IFFO1: variants seen among roughly 807,000 people sequenced by gnomAD.
IFFO1 encodes the protein non-homologous end joining factor IFFO1.
Under a neutral mutation model 59.6 loss-of-function variants are expected in IFFO1, and 42 were observed. That is an observed-to-expected ratio of 0.70 (90% CI 0.55 to 0.91). The LOEUF is 0.91. Ranked by LOEUF, IFFO1 falls within the 40% of genes least tolerant of loss-of-function variation. IFFO1 has a pLI of 0.00. For missense variants in IFFO1, 711 were observed against 793.2 expected (o/e 0.90, Z 1.24); for synonymous variants, 336 against 342.8 (o/e 0.98, Z 0.22).
rs967313993 is a variant in IFFO1 at position 6,549,659 on chromosome 12, C to T, written c.1071+97G>A. The T allele has an allele frequency of 6.6e-5, 100 of 1,519,146 alleles. No homozygotes were observed. Among genetic ancestry groups the T allele is most frequent in the Middle Eastern group, 5.4e-4 (3 of 5,536 alleles). 94.1% of individuals were successfully genotyped at this position (1,519,146 alleles called of 1,614,324 possible). A position where few individuals can be genotyped will look rare whatever the true frequency, so the allele number is the denominator to read the frequency against. ...GGCCCCAGTTGCCAGGTAAGGCTCC[C>T]CAAGCAGGAGGCAGGGCCTGCGTTC... On this transcript the variant is annotated intron_variant, in intron 4 of 9. Transcript: ENST00000619571. This position sits in a 1 kb window ranked among gnomAD's most constrained non-coding sequence, Gnocchi z 5.0.
At chr12:6,554,533 C>T (rs969766282) in intron 1 of IFFO1, among the ~76,000 whole-genome samples, 2 of 152,242 alleles carry the variant, frequency 1.3e-5, no homozygotes, top group African/African-American at 4.8e-5. Flanking sequence ...GCCCCGCGGC[C>T]TCGCGGTCCT....
At chr12:6,547,711 G>A (rs936364852) in intron 8 of IFFO1, among the ~76,000 whole-genome samples, 2 of 150,854 alleles carry the variant, frequency 1.3e-5, no homozygotes, top group African/African-American at 4.9e-5. Flanking sequence ...ACAAGGGAGA[G>A]AGGGAGGGAG....
At chr12:6,552,482 G>A (rs141380317) in intron 1 of IFFO1, among the ~76,000 whole-genome samples, 9 of 152,268 alleles carry the variant, frequency 5.9e-5, no homozygotes, top group Non-Finnish European at 1.3e-4. Context: ...GGAACCAGTC[G>A]CATCAGATTA....
chr12:6,540,768 G>A (rs1466261197), intron 9 of IFFO1, among the ~76,000 whole-genome samples, 180 bp from the exon 10 acceptor site: 2 of 152,134 alleles, frequency 1.3e-5, no homozygotes, highest in Non-Finnish European at 2.9e-5. Context: ...ACCCTGACAG[G>A]GAAATGGGCC....
chr12:6,550,103 G>A, intron 3 of IFFO1: 2 of 528,038 alleles, frequency 3.8e-6, no homozygotes, highest in Admixed American at 3.2e-5. Context: ...GGCGGCTCGG[G>A]CCACTGCTCC....
chr12:6,555,523 G>C lies in IFFO1; in HGVS notation c.507C>G (p.Pro169=), dbSNP rs769980819. ...PARSPAGPLA[P]SAASLSSSST... is the part of the protein sequence containing the mutation. ...AGGACGACGAGAGGCTGGCCGCGGA[G>C]GGCGCGAGGGGGCCGGCCGGGGAGC... The change falls in exon 1 of 10, where the codon CCC becomes CCG. Residue 169 remains proline (P), a synonymous_variant. Transcript: ENST00000619571. The surrounding 1 kb of genome is among the most constrained non-coding windows in gnomAD (Gnocchi z 8.6). 1.3e-6 allele frequency: 2 copies of C among 1,563,120 alleles called. No individual in the cohort carries two copies. The highest frequency in any genetic ancestry group is 2.3e-5 in the South Asian group (2 of 85,840).
rs150591096 is a variant in IFFO1, at chr12:6,549,459, C to T, written c.1080+17G>A. The T allele has an allele frequency of 5.1e-5, 82 of 1,613,640 alleles. No homozygotes were observed. The African/African-American group carries it at 6.3e-4, about 12-fold the overall frequency. On this transcript the variant is annotated intron_variant, in intron 5 of 9. Transcript: ENST00000619571. This position sits in a 1 kb window ranked among gnomAD's most constrained non-coding sequence, Gnocchi z 5.0. ...TGGGACTGGGACATTAATAAGCTTG[C>T]GTGAGATCAAACTAACCAGCTTCTT...
intron 8 of IFFO1, among the ~76,000 whole-genome samples, chr12:6,546,680 G>A (rs369553313): frequency 3.3e-5 from 5 of 151,814 alleles, no homozygotes; most frequent in African/African-American, 9.7e-5. Context: ...TCGTAGAGAC[G>A]GGGTTTCACC....
chr12:6,542,533 T>A (rs1448646122), intron 8 of IFFO1, among the ~76,000 whole-genome samples: 1 of 152,196 alleles, frequency 6.6e-6, no homozygotes, highest in Non-Finnish European at 1.5e-5. Context: ...ACGGGGAGGA[T>A]ACCAGCTGCC....
chr12:6,550,017 T>C, intron 3 of IFFO1, 121 bp from the exon 4 acceptor site: 1 of 1,079,266 alleles, frequency 9.3e-7, no homozygotes, highest in South Asian at 1.6e-5. Context: ...CTGTGGAGTC[T>C]CCCTGAGCTG....
intron 8 of IFFO1, among the ~76,000 whole-genome samples, chr12:6,545,107 C>T (rs1592206212): frequency 1.3e-5 from 2 of 152,018 alleles, no homozygotes; most frequent in Admixed American, 1.3e-4. Flanking sequence ...CCCAGCTACT[C>T]TGGAGGCTGA....
chr12:6,554,556 T>C (rs973076746), intron 1 of IFFO1, among the ~76,000 whole-genome samples: 1 of 152,188 alleles, frequency 6.6e-6, no homozygotes, highest in Admixed American at 6.5e-5. Flanking sequence ...GGAGGGCCCA[T>C]ATCCCAGCTT....
rs1323324084 is a variant in IFFO1, at chr12:6,548,647, G to A, written c.1262+21C>T. 2 of 1,613,988 alleles carry A rather than the reference G, an allele frequency of 1.2e-6. No homozygotes were observed. The highest frequency in any genetic ancestry group is 8.5e-7 in the Non-Finnish European group (1 of 1,179,946). On this transcript the variant is annotated intron_variant, in intron 6 of 9. Coordinates refer to ENST00000619571, the MANE Select transcript of IFFO1 (RefSeq NM_001193457.2). The surrounding 1 kb of genome is among the most constrained non-coding windows in gnomAD (Gnocchi z 6.1). ...GGCTGCTGTGGCGTCGGTGCTGCGG[G>A]AGCACGGCCTGCGGACTCACAGCTG...
In IFFO1 at chr12:6,541,575, A is replaced by T; in HGVS notation, c.1547T>A (p.Met516Lys). ...CATCTGCACGTCCAGGCCGCGCTTC[A>T]TGCTGCACATCTCCATGTACTCGTG... is the stretch of plus-strand genomic sequence containing the variant. ...HLHEYMEMCS[M>K]KRGLDVQMET... Residue 516 changes from methionine (M) to lysine (K), a missense_variant, in exon 9 of 10, where the codon ATG becomes AAG. Physicochemically the swap from Met to Lys is moderately conservative, Grantham distance 95. Transcript: ENST00000619571. This position sits in a 1 kb window ranked among gnomAD's most constrained non-coding sequence, Gnocchi z 4.8. 6.2e-7 allele frequency: 1 copy of T among 1,614,214 alleles called. No individual in the cohort carries two copies. The highest frequency in any genetic ancestry group is 8.5e-7 in the Non-Finnish European group (1 of 1,180,038).
At chr12:6,547,712 AGGGAGGGAGGGATAGAGG>A (rs1359292104) in intron 8 of IFFO1, among the ~76,000 whole-genome samples, 1 of 142,196 alleles carries the variant, frequency 7.0e-6, no homozygotes, top group Non-Finnish European at 1.5e-5. Context: ...CAAGGGAGAG[AGGGAGGGAGGGATAGAGG>A]GGGAGGGGAA....
At position 6,548,846 on chromosome 12, in the gene IFFO1, G is replaced by C. The variant is rs1355312267; in HGVS notation, c.1084C>G (p.Leu362Val). ...MIQMFQKKLS[L>V]HLSPIKVPSM... ...GGGACCTTAATGGGAGACAAGTGCAGAGACTACAGAGACGAGGCCGGGTGC... is the reference window on the plus strand; with the variant it reads ...GGGACCTTAATGGGAGACAAGTGCACAGACTACAGAGACGAGGCCGGGTGC... Residue 362 changes from leucine to valine, a missense_variant, in exon 6 of 10, where the codon CTG becomes GTG. Around this residue, in one of 3 missense-constraint regions of IFFO1, gnomAD observed 579 missense variants for 650.3 expected, o/e 0.89. Transcript: ENST00000619571. The surrounding 1 kb of genome is among the most constrained non-coding windows in gnomAD (Gnocchi z 6.1). The C allele has an allele frequency of 1.2e-6, 2 of 1,605,918 alleles. No individual in the cohort carries two copies. Among genetic ancestry groups the C allele is most frequent in the Non-Finnish European group, 1.7e-6 (2 of 1,175,190 alleles).
chr12:6,540,910 G>A (rs1946680437), intron 9 of IFFO1, among the ~76,000 whole-genome samples: 1 of 151,658 alleles, frequency 6.6e-6, no homozygotes, highest in African/African-American at 2.4e-5. Flanking sequence ...CCAACATGGT[G>A]AAACCCCATC....
Position 6,541,779 on chromosome 12 carries a change from T to C in IFFO1, c.1480-137A>G. The stretch of plus-strand genomic sequence containing the variant: ...GGCAGCCATTACTGAAGGCTCAGAT[T>C]TTAAAATAAACCAGACCAAGGCAGA... On this transcript the variant is annotated intron_variant, in intron 8 of 9. Transcript: ENST00000619571. The surrounding 1 kb of genome is among the most constrained non-coding windows in gnomAD (Gnocchi z 4.8). 9.7e-7 allele frequency: 1 copy of C among 1,028,736 alleles called. No individual in the cohort carries two copies. The highest frequency in any genetic ancestry group is 1.4e-6 in the Non-Finnish European group (1 of 697,076). The allele number at this position is 1,028,736 out of a possible 1,614,324, so 63.7% of individuals were successfully genotyped here. A position where few individuals can be genotyped will look rare whatever the true frequency, so the allele number is the denominator to read the frequency against.
In IFFO1 at chr12:6,541,702, GC is replaced by G. The variant is rs1946722631; in HGVS notation, c.1480-61del. ...AGGTGGCGTTCACAGCGCCTCTGTTGCCCCCGCCAGGAGGCCAACACGCCAA... is the reference window on the plus strand; with the variant it reads ...AGGTGGCGTTCACAGCGCCTCTGTTGCCCCGCCAGGAGGCCAACACGCCAA... On this transcript the variant is annotated intron_variant, in intron 8 of 9. Transcript: ENST00000619571. This position sits in a 1 kb window ranked among gnomAD's most constrained non-coding sequence, Gnocchi z 4.8. 16 of 1,602,118 alleles carry G rather than the reference GC, an allele frequency of 1.0e-5. No homozygotes were observed. The highest frequency in any genetic ancestry group is 4.0e-5 in the African/African-American group (3 of 74,838).
Sources: allele counts gnomAD v4.1 joint callset (sites outside exome capture counted in the v4.1 genomes callset), GRCh38; gene constraint gnomAD v4.1.1; regional missense constraint gnomAD v4.1.1; non-coding constraint Gnocchi (gnomAD v3.1); transcripts MANE v1.5; gene names NCBI Gene and HGNC (gene_info 2026-07-23, HGNC 2026-07-21).